The following DSCAM variants were observed in gnomAD, a reference collection of about 807,000 sequenced individuals.
DSCAM encodes the protein DS cell adhesion molecule.
Under a neutral mutation model 217.7 loss-of-function variants are expected in DSCAM, and 47 were observed. That is an observed-to-expected ratio of 0.22 (90% CI 0.17 to 0.28). The LOEUF (loss-of-function observed/expected upper bound fraction) is 0.28. Ranked by LOEUF, DSCAM falls within the 10% of genes least tolerant of loss-of-function variation. The pLI, the probability that DSCAM is intolerant of heterozygous loss-of-function variation, is 1.00. For missense variants in DSCAM, 2,080 were observed against 2,618.3 expected (o/e 0.79, Z 4.49); for synonymous variants, 1,056 against 1,015.3 (o/e 1.04, Z -0.76).
At chr21:40,475,793 C>T (rs184708388) in intron 3 of DSCAM, among the ~76,000 whole-genome samples, 123 of 152,008 alleles carry the variant, frequency 8.1e-4, no homozygotes, top group African/African-American at 2.7e-3. Flanking sequence ...ATCGTGCCGT[C>T]GCACTCCAGC....
chr21:40,558,291 C>CAA (rs200049395), intron 3 of DSCAM, among the ~76,000 whole-genome samples: 1 of 151,604 alleles, frequency 6.6e-6, no homozygotes, highest in Non-Finnish European at 1.5e-5. Flanking sequence ...CTAAAAAATA[C>CAA]AAAAAAATTA....
At chr21:40,300,012 G>T (rs1430895250) in intron 9 of DSCAM, among the ~76,000 whole-genome samples, 1 of 151,986 alleles carries the variant, frequency 6.6e-6, no homozygotes, top group Non-Finnish European at 1.5e-5. Flanking sequence ...ACCCCTCCCA[G>T]AATTGCCCTC....
intron 20 of DSCAM, among the ~76,000 whole-genome samples, chr21:40,113,885 A>G (rs1035334571): frequency 1.3e-5 from 2 of 151,996 alleles, no homozygotes; most frequent in African/African-American, 4.8e-5. Context: ...AAGGAGAACT[A>G]CAAACCACTG....
chr21:40,085,043 GATTTACACAAA>G (rs981478309), intron 23 of DSCAM, among the ~76,000 whole-genome samples: 3 of 152,126 alleles, frequency 2.0e-5, no homozygotes, highest in African/African-American at 7.2e-5. Flanking sequence ...TATTGATTGG[GATTTACACAAA>G]ATTTTAACAT....
intron 3 of DSCAM, among the ~76,000 whole-genome samples, chr21:40,581,870 A>C (rs1403045162): frequency 6.6e-6 from 1 of 152,224 alleles, no homozygotes; most frequent in African/African-American, 2.4e-5. Flanking sequence ...CCTTGTAAAA[A>C]AAATTAACAA....
At chr21:40,430,605 G>A (rs1057248795) in intron 3 of DSCAM, among the ~76,000 whole-genome samples, 1 of 152,222 alleles carries the variant, frequency 6.6e-6, no homozygotes, top group African/African-American at 2.4e-5. Flanking sequence ...AAGTTAATAC[G>A]TAATAAACTC....
intron 3 of DSCAM, among the ~76,000 whole-genome samples, chr21:40,416,886 T>C (rs2075376816): frequency 6.6e-6 from 1 of 152,162 alleles, no homozygotes; most frequent in Non-Finnish European, 1.5e-5. Flanking sequence ...TTCATGAACA[T>C]TTCATGCCCC....
intron 3 of DSCAM, among the ~76,000 whole-genome samples, chr21:40,547,675 A>C: frequency 6.6e-6 from 1 of 152,180 alleles, no homozygotes; most frequent in East Asian, 1.9e-4. Context: ...GCAGGTCATG[A>C]GAACCAGCCA....
chr21:40,819,357 A>AC (rs1215565854), intron 1 of DSCAM, among the ~76,000 whole-genome samples: 1 of 152,226 alleles, frequency 6.6e-6, no homozygotes, highest in African/African-American at 2.4e-5. Flanking sequence ...CCCCATGTGA[A>AC]CCTTCCCCAG....
intron 3 of DSCAM, among the ~76,000 whole-genome samples, chr21:40,682,687 AGG>A (rs1568981698): frequency 0.036 from 51 of 1,422 alleles, 9 homozygotes; most frequent in East Asian, 0.18. Flanking sequence ...GGGGAGGGGA[AGG>A]GAGCGGAGGG....
chr21:40,486,991 T>G (rs1188138581), intron 3 of DSCAM, among the ~76,000 whole-genome samples: 1 of 152,024 alleles, frequency 6.6e-6, no homozygotes, highest in African/African-American at 2.4e-5. Context: ...TGGTCTCACT[T>G]TCTGCTTCTA....
chr21:40,241,498 C>T (rs182336086), intron 11 of DSCAM, among the ~76,000 whole-genome samples: 6 of 152,082 alleles, frequency 3.9e-5, no homozygotes, highest in East Asian at 1.9e-4. Context: ...TAACAGGTGC[C>T]GGTAAGGTTG....
chr21:40,573,179 T>C (rs1302783298), intron 3 of DSCAM, among the ~76,000 whole-genome samples: 1 of 151,918 alleles, frequency 6.6e-6, no homozygotes, highest in Non-Finnish European at 1.5e-5. Context: ...CTACTAAAAA[T>C]ACAAAAAAAT....
At chr21:40,487,338 A>T (rs1416783423) in intron 3 of DSCAM, among the ~76,000 whole-genome samples, 1 of 136,780 alleles carries the variant, frequency 7.3e-6, no homozygotes, top group African/African-American at 2.9e-5. Flanking sequence ...AGAGAGAGAG[A>T]GAGAGAGAGA....
At chr21:40,407,693 G>A (rs1489864250) in intron 3 of DSCAM, among the ~76,000 whole-genome samples, 1 of 152,168 alleles carries the variant, frequency 6.6e-6, no homozygotes, top group East Asian at 1.9e-4. Context: ...ACTCATTTGG[G>A]CTGTCTCAGC....
chr21:40,451,247 A>G (rs1220355115), intron 3 of DSCAM, among the ~76,000 whole-genome samples: 3 of 152,234 alleles, frequency 2.0e-5, no homozygotes, highest in Non-Finnish European at 4.4e-5. Flanking sequence ...AGCATTTATA[A>G]AAAAGAACAG....
chr21:40,270,174 G>C (rs1320825597), intron 11 of DSCAM, among the ~76,000 whole-genome samples: 1 of 152,198 alleles, frequency 6.6e-6, no homozygotes, highest in Non-Finnish European at 1.5e-5. Flanking sequence ...CCTTCACTAA[G>C]CAATGTCCCC....
At chr21:40,802,074 C>A (rs992263909) in intron 1 of DSCAM, among the ~76,000 whole-genome samples, 3 of 152,116 alleles carry the variant, frequency 2.0e-5, no homozygotes, top group Admixed American at 6.5e-5. Flanking sequence ...CTTCAGGGAC[C>A]AGACTTCAGC....
chr21:40,623,935 C>T (rs940983338), intron 3 of DSCAM, among the ~76,000 whole-genome samples: 2 of 152,110 alleles, frequency 1.3e-5, no homozygotes, highest in Admixed American at 6.5e-5. Context: ...GGGAGGGGCC[C>T]CTTTCAGAAT....
Sources: allele counts gnomAD v4.1 joint callset (sites outside exome capture counted in the v4.1 genomes callset), GRCh38; gene constraint gnomAD v4.1.1; transcripts MANE v1.5; gene names NCBI Gene and HGNC (gene_info 2026-07-23, HGNC 2026-07-21).